ATG7: variants seen among roughly 807,000 people sequenced by gnomAD.
ATG7 encodes autophagy related 7, also known as ubiquitin-like modifier-activating enzyme ATG7.
In ATG7, 70 loss-of-function variants were observed where a neutral mutation model predicts 82.4. The ratio of observed to expected loss-of-function variants is 0.85; its 90% CI spans 0.70 to 1.04. ATG7 has a LOEUF of 1.04. Ranked by LOEUF, ATG7 falls within the 50% of genes least tolerant of loss-of-function variation. ATG7 has a pLI of 0.00. For synonymous variants in ATG7, 287 were observed against 313.0 expected (o/e 0.92, Z 0.88); for missense variants, 792 against 864.3 (o/e 0.92, Z 1.05).
At position 11,373,063 on chromosome 3, in the gene ATG7, A is replaced by G. The variant is rs115823716; in HGVS notation, c.1876-6909A>G. On this transcript the variant is annotated intron_variant, in intron 18 of 20. Transcript: ENST00000693202. ...ATCGTTTTTATTACAGAAAGAGTTA[A>G]CTTTTTTTTTGAAAAGCTGTTTAAT... Among the ~76,000 whole-genome samples the G allele has an allele frequency of 2.2e-3, 338 of 151,102 alleles. 13 individuals are homozygous for G. Among genetic ancestry groups the G allele is most frequent in the African/African-American group, 7.3e-3 (298 of 41,006 alleles).
chr3:11,516,168 A>G (rs1384745225), intron 20 of ATG7, among the ~76,000 whole-genome samples: 6 of 152,148 alleles, frequency 3.9e-5, no homozygotes, highest in Non-Finnish European at 7.4e-5. Context: ...TCATCAGGGA[A>G]GATATACAGA....
At chr3:11,479,222 A>G (rs868480642) in intron 20 of ATG7, among the ~76,000 whole-genome samples, 2 of 152,264 alleles carry the variant, frequency 1.3e-5, no homozygotes, top group South Asian at 2.1e-4. Context: ...GTGATTCCAC[A>G]GAGAAGACTG....
chr3:11,451,866 TACATACACACACACAC>T (rs2085196893), intron 20 of ATG7, among the ~76,000 whole-genome samples: 1 of 147,160 alleles, frequency 6.8e-6, no homozygotes, highest in Admixed American at 7.0e-5. Flanking sequence ...TATACGCCTT[TACATACACACACACAC>T]ACAGACACAC....
At chr3:11,567,466 A>G in the ATG7 span, among the ~76,000 whole-genome samples, 1 of 152,210 alleles carries the variant, frequency 6.6e-6, no homozygotes, top group Admixed American at 6.5e-5. Flanking sequence ...CATTAAGACA[A>G]TCATGGAAGA....
At chr3:11,351,114 T>G (rs970565852) in intron 14 of ATG7, among the ~76,000 whole-genome samples, 5 of 152,124 alleles carry the variant, frequency 3.3e-5, no homozygotes, top group African/African-American at 9.7e-5. Context: ...TCCCACTGTT[T>G]ATTTGTTTAG....
At chr3:11,442,274 G>C (rs1320800075) in intron 20 of ATG7, among the ~76,000 whole-genome samples, 1 of 152,098 alleles carries the variant, frequency 6.6e-6, no homozygotes, top group Non-Finnish European at 1.5e-5. Flanking sequence ...TGAAGAGAAG[G>C]TGTTCACTCC....
intron 18 of ATG7, among the ~76,000 whole-genome samples, chr3:11,368,392 T>G (rs2076772163): frequency 6.6e-6 from 1 of 152,114 alleles, no homozygotes; most frequent in South Asian, 2.1e-4. Flanking sequence ...ACTCTTGATA[T>G]CTCCAGGAAG....
the ATG7 span, among the ~76,000 whole-genome samples, chr3:11,575,745 T>A: frequency 6.6e-6 from 1 of 152,204 alleles, no homozygotes; most frequent in Non-Finnish European, 1.5e-5. Context: ...AAAAGCCAGG[T>A]GGCTGGTTTG....
intron 20 of ATG7, among the ~76,000 whole-genome samples, chr3:11,484,753 G>C (rs551071990): frequency 9.2e-5 from 14 of 152,108 alleles, no homozygotes; most frequent in East Asian, 1.9e-4. Flanking sequence ...TCCATGTGTT[G>C]TCATTGTTCA....
At chr3:11,506,554 CAAAAAAAAAAAAAAA>C (rs754696496) in intron 20 of ATG7, among the ~76,000 whole-genome samples, 1 of 24,920 alleles carries the variant, frequency 4.0e-5, no homozygotes, top group South Asian at 1.9e-3. Context: ...CCCATCTCTA[CAAAAAAAAAAAAAAA>C]AAAAAAAAAA....
chr3:11,553,182 A>G (rs1473675306), intron 20 of ATG7, among the ~76,000 whole-genome samples: 1 of 151,696 alleles, frequency 6.6e-6, no homozygotes, highest in East Asian at 1.9e-4. Flanking sequence ...GCCCTTTTCC[A>G]CACACCCCTG....
intron 18 of ATG7, among the ~76,000 whole-genome samples, chr3:11,377,440 T>C (rs2077507912): frequency 6.6e-6 from 1 of 152,142 alleles, no homozygotes; most frequent in Admixed American, 6.5e-5. Context: ...CCTCGCCACC[T>C]GTGGTGGTGT....
intron 20 of ATG7, among the ~76,000 whole-genome samples, chr3:11,471,127 C>G (rs1304044430): frequency 2.0e-5 from 3 of 152,196 alleles, no homozygotes. Context: ...AACCAGGCGG[C>G]CCTTTTGGAA....
intron 20 of ATG7, among the ~76,000 whole-genome samples, chr3:11,471,223 C>T (rs903367972): frequency 3.3e-5 from 5 of 152,134 alleles, no homozygotes; most frequent in African/African-American, 7.2e-5. Context: ...AGCATGGCAG[C>T]GGCAGACAGC....
At chr3:11,506,582 AAACCC>A (rs2091739815) in intron 20 of ATG7, among the ~76,000 whole-genome samples, 8 of 12,074 alleles carry the variant, frequency 6.6e-4, no homozygotes, top group African/African-American at 2.8e-3. Flanking sequence ...AAAAAAAAAA[AAACCC>A]AAAAATTAGC....
intron 3 of ATG7, among the ~76,000 whole-genome samples, chr3:11,284,609 T>TG (rs1301871099): frequency 6.6e-6 from 1 of 150,428 alleles, no homozygotes; most frequent in African/African-American, 2.4e-5. Flanking sequence ...TGGAATACAG[T>TG]GGTGCAGTCA....
intron 19 of ATG7, among the ~76,000 whole-genome samples, chr3:11,386,859 G>A (rs898276788): frequency 2.6e-5 from 4 of 152,206 alleles, no homozygotes; most frequent in African/African-American, 9.6e-5. Flanking sequence ...AAAAGGAGAT[G>A]GAATATACAG....
chr3:11,455,020 A>C (rs2085564229), intron 20 of ATG7, among the ~76,000 whole-genome samples: 1 of 152,242 alleles, frequency 6.6e-6, no homozygotes, highest in African/African-American at 2.4e-5. Context: ...GATTTATAAA[A>C]GTTCAGCTTT....
intron 20 of ATG7, among the ~76,000 whole-genome samples, chr3:11,508,974 TAGA>T (rs1211532566): frequency 6.6e-6 from 1 of 152,238 alleles, no homozygotes; most frequent in Non-Finnish European, 1.5e-5. Context: ...AGAGCATAAG[TAGA>T]AGGAGACAGA....
Sources: allele counts gnomAD v4.1 joint callset (sites outside exome capture counted in the v4.1 genomes callset), GRCh38; gene constraint gnomAD v4.1.1; transcripts MANE v1.5; gene names NCBI Gene and HGNC (gene_info 2026-07-23, HGNC 2026-07-21).